Variants in ZNF148 observed in about 807,000 individuals in gnomAD.
ZNF148 encodes the protein zinc finger protein 148, also known as Beta-Enolase Repressor Factor-1.
ZNF148 carries 7 observed loss-of-function variants against 67.7 expected under a neutral mutation model. The observed-to-expected ratio is 0.10, with a 90% CI of 0.06 to 0.19. The LOEUF (loss-of-function observed/expected upper bound fraction) is 0.19, where lower values mean the gene tolerates loss of function less well. Among genes scored for constraint, ZNF148 ranks in the 10% least tolerant of loss-of-function variants. The probability of loss-of-function intolerance (pLI) is 1.00; values close to 1 mark genes in which losing one functional copy is unlikely to be tolerated. For missense variants in ZNF148, 583 were observed against 947.1 expected (o/e 0.62, Z 5.05); for synonymous variants, 333 against 330.7 (o/e 1.01, Z -0.08).
At chr3:125,344,493 C>T (rs1453440900) in intron 1 of ZNF148, 2 of 1,152,512 alleles carry the variant, frequency 1.7e-6, no homozygotes, top group Non-Finnish European at 2.6e-6. Flanking sequence ...AAAAAAATTC[C>T]CTGAAGACAT....
chr3:125,318,104 T>C (rs1470926622), intron 3 of ZNF148, among the ~76,000 whole-genome samples: 3 of 152,128 alleles, frequency 2.0e-5, no homozygotes, highest in African/African-American at 7.2e-5. Context: ...TCCTTGCACC[T>C]CCCTTCTATG....
intron 2 of ZNF148, among the ~76,000 whole-genome samples, chr3:125,327,029 T>C (rs953931687): frequency 2.6e-5 from 4 of 151,612 alleles, no homozygotes; most frequent in African/African-American, 9.7e-5. Flanking sequence ...ACAAGACATA[T>C]CCTACATTCA....
At chr3:125,309,800 A>C (rs1412613117) in intron 4 of ZNF148, among the ~76,000 whole-genome samples, 1 of 152,230 alleles carries the variant, frequency 6.6e-6, no homozygotes, top group Non-Finnish European at 1.5e-5. Flanking sequence ...AGTCCAATAA[A>C]AATGCCAGTC....
At position 125,313,227 on chromosome 3, in the gene ZNF148, G is replaced by A. The variant is rs187198750; in HGVS notation, c.333+81C>T. On this transcript the variant is annotated intron_variant, in intron 4 of 8. Coordinates refer to ENST00000360647, the MANE Select transcript of ZNF148 (RefSeq NM_021964.3). ...ACTATTTAGCCCTGAAACATTTTCT[G>A]AAATTTCTTCGATGACTTGCAGTAT... 1.2e-3 allele frequency: 1,403 copies of A among 1,184,184 alleles called. 4 individuals carry two copies. The highest frequency in any genetic ancestry group is 1.4e-3 in the Non-Finnish European group (1,210 of 847,082). 73.4% of individuals were successfully genotyped at this position (1,184,184 alleles called of 1,614,324 possible).
chr3:125,326,138 A>T (rs981484812), intron 2 of ZNF148, among the ~76,000 whole-genome samples: 2 of 152,224 alleles, frequency 1.3e-5, no homozygotes, highest in Non-Finnish European at 2.9e-5. Flanking sequence ...GCCTTAAACA[A>T]ACACTAAAGG....
intron 7 of ZNF148, among the ~76,000 whole-genome samples, chr3:125,255,345 C>A (rs1170758452): frequency 7.3e-6 from 1 of 136,742 alleles, no homozygotes; most frequent in East Asian, 2.3e-4. Flanking sequence ...CTCCCAGGTT[C>A]AAGCGATTCT....
At chr3:125,287,143 T>G (rs1355609103) in intron 5 of ZNF148, among the ~76,000 whole-genome samples, 2 of 152,158 alleles carry the variant, frequency 1.3e-5, no homozygotes, top group African/African-American at 2.4e-5. Context: ...ATAATGATGA[T>G]TATGATTTCA....
intron 3 of ZNF148, 84 bp downstream of exon 3, chr3:125,323,209 TATATAAATTCAGTATA>T (rs1940860645): frequency 9.5e-6 from 4 of 421,640 alleles, no homozygotes; most frequent in African/African-American, 4.1e-5. Context: ...AAGAAACTAT[TATATAAATTCAGTATA>T]AAATTCTAGC....
At chr3:125,324,696 T>A (rs541972018) in intron 2 of ZNF148, among the ~76,000 whole-genome samples, 3 of 152,360 alleles carry the variant, frequency 2.0e-5, no homozygotes, top group African/African-American at 7.2e-5. Flanking sequence ...CATTAGCTTA[T>A]GATGGTACAA....
chr3:125,321,322 T>A (rs1940761109), intron 3 of ZNF148, among the ~76,000 whole-genome samples: 1 of 152,134 alleles, frequency 6.6e-6, no homozygotes, highest in Admixed American at 6.5e-5. Flanking sequence ...TCTATTTCAA[T>A]AGCTGCTAAC....
chr3:125,241,925 T>C (rs1936382636), intron 7 of ZNF148, among the ~76,000 whole-genome samples: 2 of 152,254 alleles, frequency 1.3e-5, no homozygotes, highest in Admixed American at 6.5e-5. Context: ...TCAAACTTTC[T>C]GATGACTACA....
At chr3:125,258,267 CA>C (rs940579478) in intron 7 of ZNF148, among the ~76,000 whole-genome samples, 10 of 150,950 alleles carry the variant, frequency 6.6e-5, no homozygotes, top group Non-Finnish European at 1.0e-4. Context: ...CTAAAAAATA[CA>C]AAAAAAATTA....
intron 7 of ZNF148, among the ~76,000 whole-genome samples, chr3:125,267,999 C>T (rs1211270544): frequency 6.6e-6 from 1 of 151,922 alleles, no homozygotes; most frequent in African/African-American, 2.4e-5. Flanking sequence ...CCTAGGAATA[C>T]ATCTAACCAA....
chr3:125,274,730 T>C (rs1465429872), intron 7 of ZNF148, among the ~76,000 whole-genome samples: 1 of 152,132 alleles, frequency 6.6e-6, no homozygotes, highest in Non-Finnish European at 1.5e-5. Context: ...GAAGACAGTA[T>C]AATGAGACCT....
intron 7 of ZNF148, among the ~76,000 whole-genome samples, chr3:125,272,591 T>C (rs1172711536): frequency 6.6e-6 from 1 of 151,374 alleles, no homozygotes; most frequent in East Asian, 1.9e-4. Flanking sequence ...AATTTAAGTA[T>C]GGTTTAATAT....
chr3:125,254,775 G>A (rs1936998190), intron 7 of ZNF148, among the ~76,000 whole-genome samples: 2 of 151,540 alleles, frequency 1.3e-5, no homozygotes, highest in African/African-American at 4.9e-5. Flanking sequence ...CATGCCATAC[G>A]GTTCTGTTTT....
At chr3:125,253,613 T>C (rs1936943255) in intron 7 of ZNF148, among the ~76,000 whole-genome samples, 1 of 152,190 alleles carries the variant, frequency 6.6e-6, no homozygotes, top group African/African-American at 2.4e-5. Flanking sequence ...CCTATTATTC[T>C]AGTTAAGATG....
chr3:125,368,533 A>G (rs1248348507), intron 1 of ZNF148, among the ~76,000 whole-genome samples: 2 of 152,252 alleles, frequency 1.3e-5, no homozygotes, highest in Non-Finnish European at 2.9e-5. Context: ...ACTATTTTTC[A>G]TTCACTCTAT....
intron 4 of ZNF148, among the ~76,000 whole-genome samples, chr3:125,298,501 A>G (rs1020463869): frequency 2.0e-5 from 3 of 152,170 alleles, no homozygotes; most frequent in Non-Finnish European, 4.4e-5. Flanking sequence ...TTTTACATGC[A>G]ATAACATGGA....
Sources: allele counts gnomAD v4.1 joint callset (sites outside exome capture counted in the v4.1 genomes callset), GRCh38; gene constraint gnomAD v4.1.1; transcripts MANE v1.5; gene names NCBI Gene and HGNC (gene_info 2026-07-23, HGNC 2026-07-21).